GRM5: variants seen among roughly 807,000 people sequenced by gnomAD.
The protein encoded by GRM5 is metabotropic glutamate receptor 5.
A neutral mutation model predicts 83.1 loss-of-function variants in GRM5; 19 were observed. The ratio of observed to expected loss-of-function variants is 0.23; its 90% CI spans 0.16 to 0.34. The LOEUF (loss-of-function observed/expected upper bound fraction) is 0.34. Among genes scored for constraint, GRM5 ranks in the 10% least tolerant of loss-of-function variants. The pLI, the probability that GRM5 is intolerant of heterozygous loss-of-function variation, is 1.00. For synonymous variants in GRM5, 675 were observed against 633.6 expected (o/e 1.07, Z -0.98); for missense variants, 1,160 against 1,588.3 (o/e 0.73, Z 4.58).
chr11:88,984,668 G>T (rs755199211), intron 2 of GRM5: 11 of 505,818 alleles, frequency 2.2e-5, no homozygotes. Context: ...AAACTTGTAA[G>T]ACCTATATAT....
chr11:88,604,002 A>G (rs1286122915), intron 5 of GRM5, among the ~76,000 whole-genome samples: 1 of 152,176 alleles, frequency 6.6e-6, no homozygotes, highest in Non-Finnish European at 1.5e-5. Context: ...TTTCAATGGC[A>G]TTATTCCTTA....
chr11:88,737,215 T>C (rs1349467225), intron 3 of GRM5, among the ~76,000 whole-genome samples: 1 of 152,054 alleles, frequency 6.6e-6, no homozygotes, highest in Non-Finnish European at 1.5e-5. Context: ...ACAGATTTCA[T>C]TGTGGATGTC....
At chr11:88,652,859 A>T (rs1939667800) in intron 4 of GRM5, among the ~76,000 whole-genome samples, 1 of 152,110 alleles carries the variant, frequency 6.6e-6, no homozygotes, top group African/African-American at 2.4e-5. Context: ...GCATTCAAGG[A>T]TGTCAGAAAT....
In GRM5 at chr11:88,744,899, A is replaced by G. The variant is rs142154375; in HGVS notation, c.912-91496T>C. 1.5e-4 allele frequency among the ~76,000 whole-genome samples: 23 copies of G among 152,306 alleles called. No individual in the cohort carries two copies. In the East Asian group the frequency reaches 2.7e-3, roughly 18 times the overall value. The stretch of plus-strand genomic sequence containing the variant: ...TACATACTCCAGAATATGTATCTAT[A>G]TGCTTACTCAGAAATAAGGAAGTCT... On this transcript the variant is annotated intron_variant, in intron 3 of 9. Transcript: ENST00000305447.
chr11:88,899,952 C>A (rs2135594505), intron 2 of GRM5, among the ~76,000 whole-genome samples: 1 of 152,126 alleles, frequency 6.6e-6, no homozygotes, highest in Non-Finnish European at 1.5e-5. Context: ...CTCCCAACTT[C>A]ATTTAATAAA....
At chr11:89,009,432 A>G (rs1940620541) in intron 2 of GRM5, among the ~76,000 whole-genome samples, 1 of 152,204 alleles carries the variant, frequency 6.6e-6, no homozygotes, top group African/African-American at 2.4e-5. Flanking sequence ...ATTAAAGCTC[A>G]GAGAAACAGA....
chr11:88,900,499 GA>G, intron 2 of GRM5, among the ~76,000 whole-genome samples: 1 of 152,220 alleles, frequency 6.6e-6, no homozygotes, highest in Admixed American at 6.5e-5. Context: ...AACTAAAACT[GA>G]AAATATTATA....
chr11:88,869,388 A>T (rs3932190), intron 2 of GRM5, among the ~76,000 whole-genome samples: 62,190 of 150,732 alleles, frequency 0.41, 12,949 homozygotes, highest in East Asian at 0.49. Context: ...TATTATTGAT[A>T]CAAAAAATGG....
chr11:88,969,813 G>T (rs532722667), intron 2 of GRM5, among the ~76,000 whole-genome samples: 1 of 152,134 alleles, frequency 6.6e-6, no homozygotes, highest in South Asian at 2.1e-4. Context: ...AAGAAATTCA[G>T]CATGACATAT....
At chr11:88,714,053 C>G (rs1941345130) in intron 3 of GRM5, among the ~76,000 whole-genome samples, 1 of 151,912 alleles carries the variant, frequency 6.6e-6, no homozygotes, top group Admixed American at 6.6e-5. Context: ...GGATGTTTTT[C>G]TGTGCAAAGA....
intron 8 of GRM5, among the ~76,000 whole-genome samples, chr11:88,545,977 C>T (rs1942378934): frequency 6.6e-6 from 1 of 152,046 alleles, no homozygotes; most frequent in East Asian, 1.9e-4. Flanking sequence ...TCATTCTCTC[C>T]TTTTCTCATT....
Position 88,623,252 on chromosome 11 carries a change from A to AT in GRM5, c.1148-18289dup, listed in dbSNP as rs5793338. Among the ~76,000 whole-genome samples the AT allele has an allele frequency of 8.6e-3, 1,301 of 151,690 alleles. 15 individuals are homozygous for AT. Among genetic ancestry groups the AT allele is most frequent in the East Asian group, 0.067 (342 of 5,134 alleles). ...AGCTGCCCACCACCATGCCCGGCTA[A>AT]TTTTTTGTATTTTTAGTATTTTTTT... On this transcript the variant is annotated intron_variant, in intron 4 of 9. Transcript: ENST00000305447.
intron 2 of GRM5, among the ~76,000 whole-genome samples, chr11:88,942,548 G>A (rs1352993972): frequency 6.6e-6 from 1 of 151,802 alleles, no homozygotes; most frequent in Non-Finnish European, 1.5e-5. Flanking sequence ...TAGTCTGATG[G>A]CCCTCAAAGG....
At chr11:88,512,478 A>C (rs1177753379) in intron 9 of GRM5, 1 of 154,184 alleles carries the variant, frequency 6.5e-6, no homozygotes. Flanking sequence ...TAGAAAGTAC[A>C]TTCTATGAAG....
At chr11:88,812,053 G>C (rs753926599) in intron 3 of GRM5, among the ~76,000 whole-genome samples, 5 of 152,174 alleles carry the variant, frequency 3.3e-5, no homozygotes, top group Non-Finnish European at 7.4e-5. Context: ...GGTTACAAAA[G>C]GAAGGTGAAG....
intron 3 of GRM5, among the ~76,000 whole-genome samples, chr11:88,698,276 G>C (rs907344736): frequency 2.6e-5 from 4 of 152,012 alleles, no homozygotes; most frequent in Non-Finnish European, 4.4e-5. Context: ...GCTCTTGTTT[G>C]GTCTCTCTAT....
chr11:89,064,123 A>G (rs1225881732), intron 1 of GRM5, among the ~76,000 whole-genome samples: 1 of 152,122 alleles, frequency 6.6e-6, no homozygotes. Context: ...TGCCTAGATT[A>G]CATTGCATTT....
chr11:88,716,630 C>G (rs1376995586), intron 3 of GRM5, among the ~76,000 whole-genome samples: 1 of 151,770 alleles, frequency 6.6e-6, no homozygotes, highest in Non-Finnish European at 1.5e-5. Context: ...TCTTGAGCAC[C>G]CACACTGTAC....
intron 2 of GRM5, among the ~76,000 whole-genome samples, chr11:89,006,076 A>C (rs569385818): frequency 1.8e-4 from 28 of 152,234 alleles, no homozygotes; most frequent in African/African-American, 6.0e-4. Flanking sequence ...TTGAGAAAAA[A>C]GCAAATGAAA....
Sources: gnomAD v4.1 joint callset for allele counts (sites outside exome capture counted in the v4.1 genomes callset) on GRCh38, gnomAD v4.1.1 for gene constraint, MANE v1.5 for transcripts, NCBI Gene and HGNC (gene_info 2026-07-23, HGNC 2026-07-21) for gene names.